The following RPS6KA2 variants were observed in gnomAD, a reference collection of about 807,000 sequenced individuals.
RPS6KA2 encodes the protein ribosomal protein S6 kinase A2.
A neutral mutation model predicts 91.8 loss-of-function variants in RPS6KA2; 42 were observed. The ratio of observed to expected loss-of-function variants is 0.46; its 90% CI spans 0.36 to 0.59. The LOEUF is 0.59. Ranked by LOEUF, RPS6KA2 falls within the 20% of genes least tolerant of loss-of-function variation. The pLI is 0.00. For synonymous variants in RPS6KA2, 414 were observed against 393.6 expected (o/e 1.05, Z -0.61); for missense variants, 798 against 978.5 (o/e 0.82, Z 2.46).
intron 10 of RPS6KA2, among the ~76,000 whole-genome samples, chr6:166,470,651 G>A (rs6902946): frequency 0.41 from 61,814 of 151,892 alleles, 12,830 homozygotes; most frequent in African/African-American, 0.47. Flanking sequence ...GCCAGAAATC[G>A]CCACTGTCCC....
chr6:166,683,034 A>G (rs1788883206), intron 2 of RPS6KA2, among the ~76,000 whole-genome samples: 1 of 152,206 alleles, frequency 6.6e-6, no homozygotes, highest in Non-Finnish European at 1.5e-5. Context: ...TGGACGTCAG[A>G]TGGGTCTCGC....
rs1349270005 is a variant in RPS6KA2 at position 166,418,058 on chromosome 6, A to T, written c.1938+167T>A. Among the ~76,000 whole-genome samples, 1 of 152,050 alleles carries T rather than the reference A, an allele frequency of 6.6e-6. No homozygotes were observed. The highest frequency in any genetic ancestry group is 1.5e-5 in the Non-Finnish European group (1 of 68,012). ...AGCCAAGATTGTGCCACTGCACTCC[A>T]GCCTGGGTGAGACAGAGCGAGACTC... On this transcript the variant is annotated intron_variant, in intron 19 of 20. Transcript: ENST00000265678. This position sits in a 1 kb window ranked among gnomAD's most constrained non-coding sequence, Gnocchi z 4.9.
At chr6:166,432,649 T>C (rs1020338507) in intron 14 of RPS6KA2, among the ~76,000 whole-genome samples, 159 bp from the exon 15 acceptor site, 8 of 152,144 alleles carry the variant, frequency 5.3e-5, no homozygotes, top group Non-Finnish European at 1.2e-4. Context: ...GTCTGGAGAT[T>C]CATGGCAAGT....
At chr6:166,561,770 GGAA>G (rs1008304168) in intron 1 of RPS6KA2, among the ~76,000 whole-genome samples, 32 of 152,174 alleles carry the variant, frequency 2.1e-4, no homozygotes, top group African/African-American at 7.7e-4. Context: ...AAGAAGAATT[GGAA>G]GAAGAAGAAG....
intron 2 of RPS6KA2, among the ~76,000 whole-genome samples, chr6:166,764,111 G>A (rs539777913): frequency 2.5e-4 from 38 of 152,318 alleles, no homozygotes; most frequent in African/African-American, 8.7e-4. Flanking sequence ...CATCGCTGCC[G>A]GCTCTGAGGA....
intron 1 of RPS6KA2, among the ~76,000 whole-genome samples, chr6:166,550,967 G>A (rs1784000338): frequency 7.6e-6 from 1 of 131,174 alleles, no homozygotes; most frequent in Middle Eastern, 5.4e-3. Flanking sequence ...CGACACTCCA[G>A]CCTGGCAACA....
In RPS6KA2 at chr6:166,828,745, G is replaced by C. The variant is rs115471477; in HGVS notation, c.123+29455C>G. 3.3e-3 allele frequency among the ~76,000 whole-genome samples: 507 copies of C among 152,318 alleles called. 6 individuals carry two copies. The highest frequency in any genetic ancestry group is 0.012 in the African/African-American group (496 of 41,572). ...ACTCTTAGAAGAAAAGATGAGAAAAGCTTTATCACATCAGATCGGGTAATG... is the reference window on the plus strand; with the variant it reads ...ACTCTTAGAAGAAAAGATGAGAAAACCTTTATCACATCAGATCGGGTAATG... On this transcript the variant is annotated intron_variant, in intron 2 of 21. Transcript: ENST00000503859.
At chr6:166,463,918 G>A (rs1780424053) in intron 11 of RPS6KA2, among the ~76,000 whole-genome samples, 2 of 152,164 alleles carry the variant, frequency 1.3e-5, no homozygotes, top group Admixed American at 6.5e-5. Flanking sequence ...CAGTTTACCC[G>A]GCTGTAGGTG....
intron 2 of RPS6KA2, among the ~76,000 whole-genome samples, chr6:166,695,282 CTT>C (rs1358494256): frequency 2.0e-5 from 3 of 152,130 alleles, no homozygotes; most frequent in Non-Finnish European, 4.4e-5. Context: ...GAGCAGCCCG[CTT>C]GAAGAATACC....
In RPS6KA2 at chr6:166,852,933, G is replaced by A. The variant is rs1311886426; in HGVS notation, c.123+5267C>T. On this transcript the variant is annotated intron_variant, in intron 2 of 21. Coordinates refer to the RPS6KA2 transcript ENST00000503859. The surrounding 1 kb of genome is among the most constrained non-coding windows in gnomAD (Gnocchi z 4.1). ...TGACAGCAGGAAATGCACCTGCCCTGCCCCCTCGCCCGGATACTTTCTATT... is the reference window on the plus strand; with the variant it reads ...TGACAGCAGGAAATGCACCTGCCCTACCCCCTCGCCCGGATACTTTCTATT... Among the ~76,000 whole-genome samples the A allele has an allele frequency of 1.3e-5, 2 of 152,074 alleles. 1 individual carries two copies. Among genetic ancestry groups the A allele is most frequent in the East Asian group, 3.9e-4 (2 of 5,192 alleles).
rs761267085 is a variant in RPS6KA2, at chr6:166,498,681, C to T, written c.605-31G>A. 11 of 1,612,214 alleles carry T rather than the reference C, an allele frequency of 6.8e-6. No homozygotes were observed. In the South Asian group the frequency reaches 1.2e-4, roughly 18 times the overall value. Reference sequence around the variant, plus strand: ...TGCAAACACAGCACACACACTGCCTCAGTCTCTGGGTGTGTTCGGGGGTCC... The same window carrying T: ...TGCAAACACAGCACACACACTGCCTTAGTCTCTGGGTGTGTTCGGGGGTCC... On this transcript the variant is annotated intron_variant, in intron 7 of 20. Transcript: ENST00000265678.
chr6:166,854,783 G>C (rs996056768), intron 2 of RPS6KA2, among the ~76,000 whole-genome samples: 6 of 152,112 alleles, frequency 3.9e-5, no homozygotes, highest in African/African-American at 1.2e-4. Context: ...AAAGACATAT[G>C]AAAACTTTTC....
intron 2 of RPS6KA2, among the ~76,000 whole-genome samples, chr6:166,689,985 G>A (rs184600586): frequency 2.8e-4 from 42 of 152,330 alleles, no homozygotes; most frequent in Non-Finnish European, 3.8e-4. Context: ...TCCACACTGC[G>A]TTCCCTCCCC....
chr6:166,781,730 C>T (rs533631457), intron 2 of RPS6KA2, among the ~76,000 whole-genome samples: 5 of 152,264 alleles, frequency 3.3e-5, no homozygotes, highest in Admixed American at 2.0e-4. Flanking sequence ...GACGGCATCT[C>T]TGAGATGCAG....
At chr6:166,438,270 C>T (rs776151626) in intron 14 of RPS6KA2, among the ~76,000 whole-genome samples, 3 of 152,208 alleles carry the variant, frequency 2.0e-5, no homozygotes, top group Non-Finnish European at 4.4e-5. Context: ...GTCTTAATTC[C>T]GTTTCTTTTT....
intron 2 of RPS6KA2, among the ~76,000 whole-genome samples, chr6:166,742,704 C>G (rs1218756072): frequency 2.6e-5 from 4 of 152,224 alleles, no homozygotes; most frequent in African/African-American, 7.2e-5. Context: ...ACATGCCACA[C>G]TGCATACTTT....
intron 2 of RPS6KA2, among the ~76,000 whole-genome samples, chr6:166,839,372 CA>C (rs1266440999): frequency 6.6e-6 from 1 of 152,062 alleles, no homozygotes; most frequent in East Asian, 1.9e-4. Context: ...TTCATCACTG[CA>C]GTGTCTACGT....
chr6:166,762,012 C>G (rs1778185709), intron 2 of RPS6KA2, among the ~76,000 whole-genome samples: 1 of 152,210 alleles, frequency 6.6e-6, no homozygotes, highest in South Asian at 2.1e-4. Context: ...TGCCTGTGAC[C>G]TCATGGAAAA....
chr6:166,785,729 C>T (rs1248846993), intron 2 of RPS6KA2, among the ~76,000 whole-genome samples: 1 of 152,240 alleles, frequency 6.6e-6, no homozygotes, highest in Non-Finnish European at 1.5e-5. Context: ...TATTCTTAAG[C>T]ACCACAATTT....
Sources: gnomAD v4.1 joint callset for allele counts (sites outside exome capture counted in the v4.1 genomes callset) on GRCh38, gnomAD v4.1.1 for gene constraint, Gnocchi (gnomAD v3.1) non-coding constraint, MANE v1.5 for transcripts, NCBI Gene and HGNC (gene_info 2026-07-23, HGNC 2026-07-21) for gene names.